The following PXYLP1 variants were observed in gnomAD, a reference collection of about 807,000 sequenced individuals.
PXYLP1 encodes the protein 2-phosphoxylose phosphatase 1, also known as acid phosphatase-like 2.
A neutral mutation model predicts 37.9 loss-of-function variants in PXYLP1; 17 were observed. The observed-to-expected ratio is 0.45, with a 90% CI of 0.31 to 0.67. The LOEUF (loss-of-function observed/expected upper bound fraction) is 0.67. Among genes scored for constraint, PXYLP1 ranks in the 30% least tolerant of loss-of-function variants. The pLI is 0.07. For missense variants in PXYLP1, 511 were observed against 612.0 expected (o/e 0.84, Z 1.74); for synonymous variants, 221 against 232.2 (o/e 0.95, Z 0.44).
intron 4 of PXYLP1, among the ~76,000 whole-genome samples, chr3:141,282,943 GAC>G (rs1941987831): frequency 6.6e-6 from 1 of 151,992 alleles, no homozygotes; most frequent in Non-Finnish European, 1.5e-5. Flanking sequence ...ACATTCAAGA[GAC>G]AGTTTCTAGT....
chr3:141,260,381 A>G (rs1399664115), intron 2 of PXYLP1, 127 bp downstream of exon 2: 9 of 1,093,196 alleles, frequency 8.2e-6, no homozygotes, highest in Admixed American at 5.3e-5. Context: ...TATTGTTGGC[A>G]CTCACAGTGG....
intron 1 of PXYLP1, among the ~76,000 whole-genome samples, chr3:141,234,497 G>A (rs1422595529): frequency 2.0e-5 from 3 of 152,164 alleles, no homozygotes; most frequent in Admixed American, 2.0e-4. Context: ...GAGCCCCACT[G>A]GCCACTTCAG....
chr3:141,246,831 G>C (rs1940971122), intron 1 of PXYLP1, among the ~76,000 whole-genome samples: 2 of 152,216 alleles, frequency 1.3e-5, no homozygotes. Context: ...ATAGTCTGGA[G>C]GTAGACCAGG....
At chr3:141,244,634 G>C (rs1206531852) in intron 1 of PXYLP1, among the ~76,000 whole-genome samples, 1 of 148,558 alleles carries the variant, frequency 6.7e-6, no homozygotes, top group African/African-American at 2.5e-5. Context: ...TTTTTAACTT[G>C]GCGATATTTC....
chr3:141,262,702 G>A lies in PXYLP1; in HGVS notation c.79+2448G>A, dbSNP rs769863365. On this transcript the variant is annotated intron_variant, in intron 2 of 5. Transcript: ENST00000286353. ...ATCGGAAAGATATTAAGATATGGAC[G>A]TTCTTACTGCTCTTCTTTTAGGTAA... 5.1e-5 allele frequency: 79 copies of A among 1,534,108 alleles called. No homozygotes were observed. In the East Asian group the frequency reaches 5.9e-4, roughly 11 times the overall value.
intron 1 of PXYLP1, among the ~76,000 whole-genome samples, chr3:141,254,465 A>G (rs1941215410): frequency 6.6e-6 from 1 of 152,114 alleles, no homozygotes; most frequent in African/African-American, 2.4e-5. Context: ...TAAGTGGAGA[A>G]CTCTGGAATG....
intron 2 of PXYLP1, among the ~76,000 whole-genome samples, chr3:141,269,413 TTTC>T (rs148078060): frequency 0.028 from 4,233 of 152,286 alleles, 188 homozygotes; most frequent in African/African-American, 0.095. Context: ...TGATTTTCCT[TTTC>T]TTTTTATACT....
intron 1 of PXYLP1, among the ~76,000 whole-genome samples, chr3:141,248,735 GTATATATACACACGTATA>G (rs1941059144): frequency 4.5e-5 from 1 of 22,264 alleles, no homozygotes; most frequent in Non-Finnish European, 8.0e-5. Flanking sequence ...ACACACACGT[GTATATATACACACGTATA>G]TATATACACA....
intron 1 of PXYLP1, among the ~76,000 whole-genome samples, chr3:141,242,488 C>T (rs61539616): frequency 0.027 from 4,094 of 152,334 alleles, 183 homozygotes; most frequent in African/African-American, 0.091. Context: ...GCAAAGCTGT[C>T]AGCTGCCTTG....
chr3:141,268,766 G>A (rs1257347908), intron 2 of PXYLP1, among the ~76,000 whole-genome samples: 2 of 152,198 alleles, frequency 1.3e-5, no homozygotes, highest in Non-Finnish European at 2.9e-5. Context: ...TCCTGCCAGT[G>A]CGGCTGTCAC....
intron 2 of PXYLP1, among the ~76,000 whole-genome samples, chr3:141,269,901 T>C (rs771925637): frequency 4.5e-4 from 68 of 152,186 alleles, no homozygotes; most frequent in Non-Finnish European, 7.8e-4. Flanking sequence ...GAGTGTGGGG[T>C]TTCCTGACTC....
intron 5 of PXYLP1, among the ~76,000 whole-genome samples, chr3:141,288,161 G>T (rs6779015): frequency 0.1 from 15,724 of 152,206 alleles, 1,064 homozygotes; most frequent in African/African-American, 0.19. Flanking sequence ...AGTCACCTTT[G>T]CTGGGAATAG....
chr3:141,251,942 G>GT (rs1197140818), intron 1 of PXYLP1, among the ~76,000 whole-genome samples: 1 of 152,134 alleles, frequency 6.6e-6, no homozygotes, highest in Non-Finnish European at 1.5e-5. Flanking sequence ...TACTGAGAGC[G>GT]TATCAGAGGC....
intron 1 of PXYLP1, among the ~76,000 whole-genome samples, chr3:141,240,801 T>A (rs986325726): frequency 6.6e-6 from 1 of 152,184 alleles, no homozygotes; most frequent in Admixed American, 6.5e-5. Flanking sequence ...GATCATCTGT[T>A]CTGAATCCCT....
chr3:141,286,722 G>T (rs1239913459), intron 4 of PXYLP1, among the ~76,000 whole-genome samples: 1 of 152,202 alleles, frequency 6.6e-6, no homozygotes, highest in Non-Finnish European at 1.5e-5. Context: ...ACTGGTCAGA[G>T]TTACCTTTTA....
chr3:141,292,645 A>G lies in PXYLP1; in HGVS notation c.883A>G (p.Ile295Val), dbSNP rs1559899618. 13 of 1,613,642 alleles carry G rather than the reference A, an allele frequency of 8.1e-6. No homozygotes were observed. Among genetic ancestry groups the G allele is most frequent in the South Asian group, 1.1e-5 (1 of 91,008 alleles). The change falls in exon 6 of 6, where the codon ATA becomes GTA. Residue 295 changes from isoleucine to valine, a missense_variant. Ile to Val is a conservative substitution (Grantham distance 29). Coordinates refer to ENST00000286353, the MANE Select transcript of PXYLP1 (RefSeq NM_001037172.3). This position sits in a 1 kb window ranked among gnomAD's most constrained non-coding sequence, Gnocchi z 4.3. ...PTKQLRAANP[I>V]DSMLCHFCHN... Reference sequence around the variant, plus strand: ...CAAGCAGCTTAGAGCTGCCAACCCCATAGACTCCATGCTCTGCCACTTCTG... The same window carrying G: ...CAAGCAGCTTAGAGCTGCCAACCCCGTAGACTCCATGCTCTGCCACTTCTG...
At chr3:141,258,109 A>G (rs551813561) in intron 1 of PXYLP1, among the ~76,000 whole-genome samples, 162 of 152,230 alleles carry the variant, frequency 1.1e-3, no homozygotes, top group Non-Finnish European at 1.9e-3. Context: ...CTCGCCTCCC[A>G]CATGCAAACG....
rs115351594 is a variant in PXYLP1 at position 141,272,976 on chromosome 3, C to T, written c.80-5366C>T. On this transcript the variant is annotated intron_variant, in intron 2 of 5. Transcript: ENST00000286353. The stretch of plus-strand genomic sequence containing the variant: ...CAAGTGGACACCCAGTATTAACCAT[C>T]ACATCTGGTAACTTCCCAATATTTC... 1,776 of 985,132 alleles carry T rather than the reference C, an allele frequency of 1.8e-3. 21 individuals carry two copies. In the African/African-American group the frequency reaches 0.029, roughly 16 times the overall value. The allele number at this position is 985,132 out of a possible 1,614,324, so 61.0% of individuals were successfully genotyped here.
chr3:141,287,449 G>A lies in PXYLP1; in HGVS notation c.501G>A (p.Gln167=). 1 of 1,613,970 alleles carries A rather than the reference G, an allele frequency of 6.2e-7. No homozygotes were observed. ...HPLCEMGELT[Q]TGVVQHLQNG... ...TGTGTGAGATGGGAGAGCTCACACA[G>A]ACAGGTATGTGTGACCCCCATGCGC... The change falls in exon 5 of 6, where the codon CAG becomes CAA. Residue 167 remains glutamine (Q), a synonymous_variant. Coordinates refer to ENST00000286353, the MANE Select transcript of PXYLP1 (RefSeq NM_001037172.3).
Sources: gnomAD v4.1 joint callset for allele counts (sites outside exome capture counted in the v4.1 genomes callset) on GRCh38, gnomAD v4.1.1 for gene constraint, Gnocchi (gnomAD v3.1) non-coding constraint, MANE v1.5 for transcripts, NCBI Gene and HGNC (gene_info 2026-07-23, HGNC 2026-07-21) for gene names.